Variants in AP3B1 observed in about 807,000 individuals in gnomAD.
AP3B1 encodes the protein adaptor related protein complex 3 subunit beta 1.
A neutral mutation model predicts 132.5 loss-of-function variants in AP3B1; 61 were observed. The observed-to-expected ratio is 0.46, with a 90% confidence interval of 0.37 to 0.57. The LOEUF is 0.57. AP3B1 is among the 20% of genes least tolerant of loss of function. The probability of loss-of-function intolerance (pLI) is 0.00; values close to 1 mark genes in which losing one functional copy is unlikely to be tolerated. For synonymous variants in AP3B1, 388 were observed against 438.3 expected (o/e 0.89, Z 1.43); for missense variants, 1,120 against 1,289.4 (o/e 0.87, Z 2.01).
At chr5:78,203,897 A>T (rs1745400143) in intron 7 of AP3B1, among the ~76,000 whole-genome samples, 1 of 152,120 alleles carries the variant, frequency 6.6e-6, no homozygotes, top group African/African-American at 2.4e-5. Flanking sequence ...ACTTCATTTA[A>T]GTTATTATAC....
chr5:78,152,602 C>T (rs1753720524), intron 14 of AP3B1, among the ~76,000 whole-genome samples: 2 of 151,936 alleles, frequency 1.3e-5, no homozygotes, highest in South Asian at 4.1e-4. Context: ...TTTGTTCTTG[C>T]TTTTCTAGTT....
chr5:78,098,346 T>G (rs1750988256), intron 21 of AP3B1, among the ~76,000 whole-genome samples: 1 of 151,842 alleles, frequency 6.6e-6, no homozygotes, highest in Non-Finnish European at 1.5e-5. Context: ...AAATATACTT[T>G]TTTATAGAAT....
chr5:78,083,978 G>A (rs1750123976), intron 22 of AP3B1, among the ~76,000 whole-genome samples: 1 of 152,010 alleles, frequency 6.6e-6, no homozygotes, highest in Non-Finnish European at 1.5e-5. Flanking sequence ...GGACTAGAAA[G>A]TCATCATTTA....
At chr5:78,198,694 T>C (rs1277057096) in intron 7 of AP3B1, among the ~76,000 whole-genome samples, 2 of 152,164 alleles carry the variant, frequency 1.3e-5, no homozygotes, top group Admixed American at 6.5e-5. Flanking sequence ...ATTCAGTCCA[T>C]AGCACATACC....
At chr5:78,108,288 G>C (rs1319079298) in intron 20 of AP3B1, among the ~76,000 whole-genome samples, 1 of 152,160 alleles carries the variant, frequency 6.6e-6, no homozygotes, top group Non-Finnish European at 1.5e-5. Context: ...TCATAATTTA[G>C]GGCAGAAGCC....
intron 14 of AP3B1, among the ~76,000 whole-genome samples, chr5:78,142,396 G>A (rs1025246786): frequency 6.6e-6 from 1 of 152,138 alleles, no homozygotes; most frequent in African/African-American, 2.4e-5. Flanking sequence ...TTTATAATAA[G>A]TGAAAAGGCT....
At chr5:78,020,630 T>C (rs1747050365) in intron 25 of AP3B1, 62 bp downstream of exon 25, 1 of 1,299,970 alleles carries the variant, frequency 7.7e-7, no homozygotes, top group Non-Finnish European at 1.1e-6. Context: ...TTAGAGACTG[T>C]ACAGGAATAA....
In AP3B1 at chr5:78,191,561, G is replaced by C. The variant is rs550529207; in HGVS notation, c.787-9899C>G. 5.9e-5 allele frequency among the ~76,000 whole-genome samples: 9 copies of C among 152,198 alleles called. No individual in the cohort carries two copies. In the East Asian group the frequency reaches 1.5e-3, roughly 26 times the overall value. On this transcript the variant is annotated intron_variant, in intron 7 of 26. Coordinates refer to ENST00000255194, the MANE Select transcript of AP3B1 (RefSeq NM_003664.5). ...ATGTCTTGGGGAGTAACGATGGTCA[G>C]ATAAAAGCCCAGCTTAAATCATCTC...
At chr5:78,170,952 G>T (rs1168137499) in intron 11 of AP3B1, among the ~76,000 whole-genome samples, 1 of 152,064 alleles carries the variant, frequency 6.6e-6, no homozygotes, top group Non-Finnish European at 1.5e-5. Context: ...TTTTATATAT[G>T]GCTAGCCAGT....
chr5:78,272,675 A>C (rs1471528925), intron 1 of AP3B1, among the ~76,000 whole-genome samples: 2 of 152,240 alleles, frequency 1.3e-5, no homozygotes, highest in Non-Finnish European at 2.9e-5. Context: ...ACAGAAAGGA[A>C]AGAAGGAGGC....
At chr5:78,048,040 A>G (rs1748416021) in intron 22 of AP3B1, among the ~76,000 whole-genome samples, 1 of 152,236 alleles carries the variant, frequency 6.6e-6, no homozygotes, top group Admixed American at 6.5e-5. Flanking sequence ...TCCAGCTTAC[A>G]TTCAAGGGAA....
chr5:78,133,861 T>G (rs1244354026), intron 15 of AP3B1, among the ~76,000 whole-genome samples: 2 of 152,132 alleles, frequency 1.3e-5, no homozygotes, highest in Admixed American at 6.5e-5. Flanking sequence ...ATCCAGACAC[T>G]AATTATATCA....
intron 7 of AP3B1, among the ~76,000 whole-genome samples, chr5:78,183,951 C>T (rs904113681): frequency 6.7e-6 from 1 of 149,190 alleles, no homozygotes; most frequent in Admixed American, 6.7e-5. Flanking sequence ...GGGTGGATCA[C>T]GAGATCAGGA....
intron 2 of AP3B1, among the ~76,000 whole-genome samples, chr5:78,260,018 A>C (rs1001390708): frequency 6.6e-6 from 1 of 151,916 alleles, no homozygotes; most frequent in African/African-American, 2.4e-5. Flanking sequence ...AAAAGAAATA[A>C]AAATTAAATG....
intron 11 of AP3B1, among the ~76,000 whole-genome samples, chr5:78,168,742 T>C (rs1743769515): frequency 6.6e-6 from 1 of 152,192 alleles, no homozygotes; most frequent in African/African-American, 2.4e-5. Context: ...ATGCATTACT[T>C]TCACACAATT....
At chr5:78,098,602 A>G (rs1244754426) in intron 21 of AP3B1, among the ~76,000 whole-genome samples, 1 of 152,264 alleles carries the variant, frequency 6.6e-6, no homozygotes, top group East Asian at 1.9e-4. Flanking sequence ...GATACAAAAT[A>G]TAAAATGAAA....
At chr5:78,240,658 C>T (rs1051410383) in intron 3 of AP3B1, among the ~76,000 whole-genome samples, 1 of 152,152 alleles carries the variant, frequency 6.6e-6, no homozygotes, top group African/African-American at 2.4e-5. Flanking sequence ...ATCTGTTTTG[C>T]TTTTCATATT....
intron 2 of AP3B1, among the ~76,000 whole-genome samples, chr5:78,253,629 T>C (rs531296026): frequency 1.3e-5 from 2 of 152,294 alleles, no homozygotes; most frequent in African/African-American, 4.8e-5. Flanking sequence ...ATAGCTGTCT[T>C]GAGAAAACTC....
intron 21 of AP3B1, among the ~76,000 whole-genome samples, chr5:78,092,865 G>T (rs954647404): frequency 9.2e-5 from 14 of 152,146 alleles, no homozygotes; most frequent in Non-Finnish European, 4.4e-5. Context: ...GTCCAGGCTG[G>T]TCTCGAACTC....
Sources: gnomAD v4.1 joint callset for allele counts (sites outside exome capture counted in the v4.1 genomes callset) on GRCh38, gnomAD v4.1.1 for gene constraint, MANE v1.5 for transcripts, NCBI Gene and HGNC (gene_info 2026-07-23, HGNC 2026-07-21) for gene names.